GABRG3: variants seen among roughly 807,000 people sequenced by gnomAD.
GABRG3 encodes gamma-aminobutyric acid type A receptor subunit gamma3.
Under a neutral mutation model 48.8 loss-of-function variants are expected in GABRG3, and 25 were observed. The ratio of observed to expected loss-of-function variants is 0.51; its 90% confidence interval spans 0.37 to 0.72. The LOEUF is 0.72. Ranked by LOEUF, GABRG3 falls within the 30% of genes least tolerant of loss-of-function variation. GABRG3 has a pLI of 0.00. For missense variants in GABRG3, 394 were observed against 577.9 expected, an observed-to-expected ratio of 0.68 and a Z score of 3.26; for synonymous variants, 227 against 217.6, an observed-to-expected ratio of 1.04 and a Z score of -0.38.
chr15:27,483,648 TC>T (rs1250590006), intron 6 of GABRG3, among the ~76,000 whole-genome samples: 1 of 152,230 alleles, frequency 6.6e-6, no homozygotes, highest in South Asian at 2.1e-4. Context: ...GTGTCAGCGT[TC>T]CCCCTCTGGG....
chr15:27,317,677 C>T (rs551706170), intron 3 of GABRG3, among the ~76,000 whole-genome samples: 26 of 152,196 alleles, frequency 1.7e-4, no homozygotes, highest in African/African-American at 4.1e-4. Flanking sequence ...GGATGGTCAC[C>T]GACTGTGACC....
intron 3 of GABRG3, among the ~76,000 whole-genome samples, chr15:27,228,724 T>C (rs879216057): frequency 6.6e-6 from 1 of 152,216 alleles, no homozygotes; most frequent in Non-Finnish European, 1.5e-5. Flanking sequence ...CTTGCCAGTA[T>C]CTGTCATTTT....
chr15:27,097,859 A>T (rs1324484409), intron 3 of GABRG3, among the ~76,000 whole-genome samples: 1 of 152,106 alleles, frequency 6.6e-6, no homozygotes, highest in Non-Finnish European at 1.5e-5. Flanking sequence ...GAATAAGGAT[A>T]TCTATGATAA....
At chr15:27,448,072 C>T (rs990829316) in intron 5 of GABRG3, among the ~76,000 whole-genome samples, 1 of 151,976 alleles carries the variant, frequency 6.6e-6, no homozygotes, top group African/African-American at 2.4e-5. Context: ...GATAGAGGAA[C>T]TTACATTTGT....
chr15:27,323,657 A>G (rs928747002), intron 3 of GABRG3, among the ~76,000 whole-genome samples: 6 of 152,252 alleles, frequency 3.9e-5, no homozygotes, highest in African/African-American at 1.4e-4. Context: ...TTCTGCAGGG[A>G]TGCCTTTGAA....
At chr15:27,508,307 A>C (rs1395737937) in intron 6 of GABRG3, among the ~76,000 whole-genome samples, 1 of 152,210 alleles carries the variant, frequency 6.6e-6, no homozygotes, top group Non-Finnish European at 1.5e-5. Context: ...ATTGTGTATA[A>C]CAATCTTTTA....
chr15:27,090,468 T>C (rs1174626275), intron 3 of GABRG3, among the ~76,000 whole-genome samples: 2 of 152,200 alleles, frequency 1.3e-5, no homozygotes, highest in African/African-American at 4.8e-5. Context: ...GCCAAAGTGT[T>C]TTCTATAGCA....
chr15:27,254,459 T>G (rs1890551488), intron 3 of GABRG3, among the ~76,000 whole-genome samples: 1 of 152,158 alleles, frequency 6.6e-6, no homozygotes, highest in Admixed American at 6.5e-5. Context: ...TGTCTTAGTC[T>G]TTTGGGCTGC....
At chr15:27,210,651 A>G (rs922788237) in intron 3 of GABRG3, among the ~76,000 whole-genome samples, 3 of 152,336 alleles carry the variant, frequency 2.0e-5, no homozygotes, top group African/African-American at 7.2e-5. Flanking sequence ...ACATGCACTC[A>G]GTGATGGTTT....
chr15:27,353,751 C>T (rs74622084), intron 5 of GABRG3, among the ~76,000 whole-genome samples: 9 of 152,056 alleles, frequency 5.9e-5, no homozygotes, highest in African/African-American at 1.9e-4. Context: ...CCAGTATGTG[C>T]GTAGTTTTCA....
chr15:27,415,984 T>C (rs1247330604), intron 5 of GABRG3, among the ~76,000 whole-genome samples: 1 of 152,164 alleles, frequency 6.6e-6, no homozygotes, highest in African/African-American at 2.4e-5. Flanking sequence ...ATACCCCCCC[T>C]CTTTCTAGCC....
intron 5 of GABRG3, among the ~76,000 whole-genome samples, chr15:27,402,026 C>T (rs571127874): frequency 1.3e-5 from 2 of 152,196 alleles, no homozygotes; most frequent in East Asian, 3.9e-4. Flanking sequence ...CCCATTATTA[C>T]AGTGATGATT....
chr15:27,358,867 G>A (rs780640335), intron 5 of GABRG3, among the ~76,000 whole-genome samples: 2 of 152,170 alleles, frequency 1.3e-5, no homozygotes, highest in Non-Finnish European at 2.9e-5. Flanking sequence ...TTGTTGGTTT[G>A]AGCACCCTGA....
chr15:27,530,376 T>C (rs1373543926), intron 9 of GABRG3, among the ~76,000 whole-genome samples: 1 of 152,122 alleles, frequency 6.6e-6, no homozygotes, highest in Non-Finnish European at 1.5e-5. Context: ...ATCTCTATCT[T>C]GGGTACAGTT....
At chr15:27,438,988 C>T (rs1888701110) in intron 5 of GABRG3, among the ~76,000 whole-genome samples, 1 of 152,164 alleles carries the variant, frequency 6.6e-6, no homozygotes, top group South Asian at 2.1e-4. Context: ...GTTCAGAGTG[C>T]ACACAGCATT....
chr15:27,041,043 A>AT (rs1419355502), intron 3 of GABRG3, among the ~76,000 whole-genome samples: 1 of 79,402 alleles, frequency 1.3e-5, no homozygotes, highest in Admixed American at 1.3e-4. Context: ...TATTTACTGA[A>AT]ATTTTTTTCT....
rs1254222983 is a variant in GABRG3, at chr15:27,309,265, C to G, written c.271-17544C>G. Among the ~76,000 whole-genome samples the G allele has an allele frequency of 4.0e-5, 6 of 151,178 alleles. No homozygotes were observed. In the Admixed American group the frequency reaches 4.0e-4, roughly 10 times the overall value. On this transcript the variant is annotated intron_variant, in intron 3 of 9. Coordinates refer to ENST00000615808, the MANE Select transcript of GABRG3 (RefSeq NM_033223.5). Reference sequence around the variant, plus strand: ...ATATATAAACACACATATACACGTACACATACATATGTATATGAATTCTGT... The same window carrying G: ...ATATATAAACACACATATACACGTAGACATACATATGTATATGAATTCTGT...
At chr15:27,233,143 G>A (rs1320191792) in intron 3 of GABRG3, among the ~76,000 whole-genome samples, 2 of 152,186 alleles carry the variant, frequency 1.3e-5, no homozygotes, top group Non-Finnish European at 2.9e-5. Context: ...GAGAGCCTTG[G>A]CTCACTGGGG....
At chr15:27,378,521 G>A (rs1895669544) in intron 5 of GABRG3, among the ~76,000 whole-genome samples, 1 of 152,112 alleles carries the variant, frequency 6.6e-6, no homozygotes, top group South Asian at 2.1e-4. Context: ...GTAAGTGAAG[G>A]CATTTTTATT....
Sources: allele counts gnomAD v4.1 joint callset (sites outside exome capture counted in the v4.1 genomes callset), GRCh38; gene constraint gnomAD v4.1.1; transcripts MANE v1.5; gene names NCBI Gene and HGNC (gene_info 2026-07-23, HGNC 2026-07-21).